DTNBP1: variants seen among roughly 807,000 people sequenced by gnomAD.
DTNBP1 encodes dysbindin.
A neutral mutation model predicts 42.8 loss-of-function variants in DTNBP1; 35 were observed. The observed-to-expected ratio is 0.82, with a 90% CI of 0.63 to 1.09. The LOEUF (loss-of-function observed/expected upper bound fraction) is 1.09. DTNBP1 is among the 50% of genes least tolerant of loss of function. The pLI is 0.00. For missense variants in DTNBP1, 457 were observed against 424.2 expected (o/e 1.08, Z -0.68); for synonymous variants, 171 against 162.2 (o/e 1.05, Z -0.41).
chr6:15,636,209 G>A (rs989627296), intron 4 of DTNBP1, among the ~76,000 whole-genome samples: 1 of 138,622 alleles, frequency 7.2e-6, no homozygotes, highest in African/African-American at 2.8e-5. Flanking sequence ...GGAGTGCAAT[G>A]GTGCAATCTT....
At chr6:15,657,325 A>G (rs760552154) in intron 1 of DTNBP1, among the ~76,000 whole-genome samples, 1 of 152,206 alleles carries the variant, frequency 6.6e-6, no homozygotes, top group Non-Finnish European at 1.5e-5. Flanking sequence ...AAATTCTTTA[A>G]TGCTGGTATA....
intron 7 of DTNBP1, among the ~76,000 whole-genome samples, chr6:15,556,424 C>T (rs1465422096): frequency 6.6e-6 from 1 of 152,164 alleles, no homozygotes; most frequent in Non-Finnish European, 1.5e-5. Flanking sequence ...TCGTGATCTG[C>T]CTGCCTCGAC....
chr6:15,548,482 C>CACACAA, intron 7 of DTNBP1: 1 of 140,784 alleles, frequency 7.1e-6, no homozygotes, highest in Non-Finnish European at 1.5e-5. Flanking sequence ...CACACACACA[C>CACACAA]CACAATTCTT....
intron 4 of DTNBP1, among the ~76,000 whole-genome samples, chr6:15,631,272 T>C (rs2113751251): frequency 6.6e-6 from 1 of 152,336 alleles, no homozygotes; most frequent in Middle Eastern, 3.4e-3. Flanking sequence ...GGGTACTGTT[T>C]CTGCAAAGCA....
rs1430653773 is a variant in DTNBP1, at chr6:15,523,190, T to C, written c.841A>G (p.Ile281Val). Residue 281 changes from isoleucine to valine, a missense_variant, in exon 10 of 10, where the codon ATT (isoleucine) becomes GTT (valine). By Grantham distance (29) the Ile-to-Val change is conservative. Transcript: ENST00000344537. ...GPESSTCQNEITLQVPNPSEL... is the reference protein window; with the variant it reads ...GPESSTCQNEVTLQVPNPSEL... ...GAGGGATTTGGAACCTGGAGGGTAA[T>C]CTCATTCTGACAGGTACTGGATTCA... The C allele has an allele frequency of 6.2e-7, 1 of 1,614,170 alleles. No individual in the cohort carries two copies. Among genetic ancestry groups the C allele is most frequent in the Non-Finnish European group, 8.5e-7 (1 of 1,180,028 alleles).
At chr6:15,580,373 CGAT>C (rs1260259647) in intron 7 of DTNBP1, among the ~76,000 whole-genome samples, 2 of 152,066 alleles carry the variant, frequency 1.3e-5, no homozygotes, top group African/African-American at 4.8e-5. Context: ...AAAAAGCTAA[CGAT>C]GAATACACAC....
At chr6:15,617,974 T>C (rs1468339887) in intron 5 of DTNBP1, among the ~76,000 whole-genome samples, 1 of 152,082 alleles carries the variant, frequency 6.6e-6, no homozygotes, top group African/African-American at 2.4e-5. Flanking sequence ...AAACTACTCA[T>C]CCCACAAGGG....
At chr6:15,559,528 C>G (rs1301711748) in intron 7 of DTNBP1, among the ~76,000 whole-genome samples, 1 of 152,134 alleles carries the variant, frequency 6.6e-6, no homozygotes, top group Non-Finnish European at 1.5e-5. Context: ...CAAAGCACTT[C>G]CCAAAGCCAA....
At chr6:15,533,134 G>A (rs996476048) in intron 8 of DTNBP1, 106 bp downstream of exon 8, 24 of 1,550,838 alleles carry the variant, frequency 1.5e-5, no homozygotes, top group Admixed American at 5.5e-5. Context: ...ATAACAGAAC[G>A]GAACTTCTGA....
At chr6:15,647,505 T>C (rs776663830) in intron 3 of DTNBP1, among the ~76,000 whole-genome samples, 3 of 151,634 alleles carry the variant, frequency 2.0e-5, no homozygotes, top group Non-Finnish European at 3.0e-5. Context: ...ATCAACATGA[T>C]TGAAGATAAA....
chr6:15,606,144 C>T lies in DTNBP1; in HGVS notation c.488+9123G>A, dbSNP rs1758036654. Among the ~76,000 whole-genome samples the T allele has an allele frequency of 2.0e-5, 3 of 152,192 alleles. No homozygotes were observed. The South Asian group carries it at 6.2e-4, about 32-fold the overall frequency. On this transcript the variant is annotated intron_variant, in intron 6 of 9. Coordinates refer to ENST00000344537, the MANE Select transcript of DTNBP1 (RefSeq NM_032122.5). ...GGTAGGTAAGAGCTATCAGAACCAT[C>T]CCTAGGCTGTATATTTCCCTACCCA...
chr6:15,526,960 A>T (rs1236942530), intron 8 of DTNBP1, among the ~76,000 whole-genome samples: 1 of 152,260 alleles, frequency 6.6e-6, no homozygotes, highest in African/African-American at 2.4e-5. Context: ...TTATACAACT[A>T]AACTAAAATA....
At chr6:15,611,950 A>C (rs1247449338) in intron 6 of DTNBP1, among the ~76,000 whole-genome samples, 2 of 152,232 alleles carry the variant, frequency 1.3e-5, no homozygotes, top group East Asian at 1.9e-4. Flanking sequence ...TGTTATGTAC[A>C]CTGAGTTGAT....
In DTNBP1 at chr6:15,524,553, C is replaced by G. The variant is rs765219175; in HGVS notation, c.784G>C (p.Glu262Gln). ...AAGGCGGGGGACAGCACAGTGTTCT[C>G]TTCTCCTCCAGAGTTCAGGAAGACG... ...LDVFLNSGGE[E>Q]NTVLSPALGP... is the part of the protein sequence containing the mutation. Residue 262 changes from glutamate (E) to glutamine (Q), a missense_variant, in exon 9 of 10, where the codon GAG (glutamate) becomes CAG (glutamine). Transcript: ENST00000344537. 3 of 1,610,210 alleles carry G rather than the reference C, an allele frequency of 1.9e-6. No individual in the cohort carries two copies. In the South Asian group the frequency reaches 3.3e-5, roughly 18 times the overall value.
At chr6:15,524,798 G>T in intron 8 of DTNBP1, 129 bp from the exon 9 acceptor site, 2 of 1,397,010 alleles carry the variant, frequency 1.4e-6, no homozygotes, top group Non-Finnish European at 1.9e-6. Flanking sequence ...TTGAAGCAAC[G>T]TATTAGTAGA....
chr6:15,523,883 T>C (rs957331072), intron 9 of DTNBP1: 9 of 1,287,068 alleles, frequency 7.0e-6, no homozygotes, highest in African/African-American at 3.0e-5. Flanking sequence ...GTGGTAATGG[T>C]AGAACCTTCT....
At chr6:15,595,138 G>C (rs1776459796) in intron 6 of DTNBP1, 1 of 455,390 alleles carries the variant, frequency 2.2e-6, no homozygotes, top group Non-Finnish European at 4.4e-6. Context: ...GAAATTTCCA[G>C]GAAACTTCCC....
Position 15,524,681 on chromosome 6 carries a change from T to C in DTNBP1, c.668-12A>G, listed in dbSNP as rs144360958. On this transcript the variant is annotated splice_polypyrimidine_tract_variant and intron_variant, in intron 8 of 9. Transcript: ENST00000344537. ...GCTGCCTATGGGCTCTGCGGATAGA[T>C]CAACACGAGAAAGGACACGCTGTCT... 10 of 1,611,976 alleles carry C rather than the reference T, an allele frequency of 6.2e-6. No individual in the cohort carries two copies. In the East Asian group the frequency reaches 2.0e-4, roughly 32 times the overall value.
chr6:15,635,036 G>A (rs902720682), intron 4 of DTNBP1, among the ~76,000 whole-genome samples: 3 of 152,156 alleles, frequency 2.0e-5, no homozygotes, highest in Non-Finnish European at 4.4e-5. Flanking sequence ...ACAACAGTTT[G>A]AAAAGTCTGC....
Sources: allele counts gnomAD v4.1 joint callset (sites outside exome capture counted in the v4.1 genomes callset), GRCh38; gene constraint gnomAD v4.1.1; transcripts MANE v1.5; gene names NCBI Gene and HGNC (gene_info 2026-07-23, HGNC 2026-07-21).